The following FGF13 variants were observed in gnomAD, a reference collection of about 807,000 sequenced individuals.
The protein encoded by FGF13 is fibroblast growth factor 13, also known as fibroblast growth factor homologous factor 2.
A neutral mutation model predicts 19.5 loss-of-function variants in FGF13; 2 were observed. That is an observed-to-expected ratio of 0.10 (90% confidence interval 0.04 to 0.32). FGF13 has a LOEUF of 0.32. Ranked by LOEUF, FGF13 falls within the 10% of genes least tolerant of loss-of-function variation. The pLI is 1.00. For missense variants in FGF13, 113 were observed against 192.7 expected, an observed-to-expected ratio of 0.59 and a Z score of 2.45; for synonymous variants, 72 against 76.9, an observed-to-expected ratio of 0.94 and a Z score of 0.33.
At chrX:138,959,937 C>A (rs991726243) in intron 1 of FGF13, among the ~76,000 whole-genome samples, 13 of 111,792 alleles carry the variant, frequency 1.2e-4, no homozygotes, top group Non-Finnish European at 2.1e-4. Context: ...AATGGGTCTC[C>A]TGAATACAGC....
At chrX:139,197,844 T>C (rs1369449132) in intron 1 of FGF13, among the ~76,000 whole-genome samples, 3 of 107,955 alleles carry the variant, frequency 2.8e-5, no homozygotes, top group Non-Finnish European at 5.8e-5. Flanking sequence ...ATACAAAAAA[T>C]TGGCCGGGCG....
intron 1 of FGF13, among the ~76,000 whole-genome samples, chrX:138,727,648 G>A (rs979739597): frequency 9.0e-6 from 1 of 111,335 alleles, no homozygotes; most frequent in African/African-American, 3.3e-5. Flanking sequence ...TCAATGTGAA[G>A]CTAATACATT....
intron 1 of FGF13, among the ~76,000 whole-genome samples, chrX:139,066,479 C>T (rs1434446464): frequency 1.8e-5 from 2 of 111,681 alleles, no homozygotes; most frequent in Non-Finnish European, 3.8e-5. Flanking sequence ...AGGGGTATCA[C>T]CACTGATCCC....
chrX:138,978,199 T>G (rs781487411), intron 1 of FGF13, among the ~76,000 whole-genome samples: 1 of 110,658 alleles, frequency 9.0e-6, no homozygotes, highest in Non-Finnish European at 1.9e-5. Context: ...CTCTGCCTCA[T>G]AACTTGCCTC....
rs374962504 is a variant in FGF13, at chrX:138,835,631, T to C, written c.217+21881A>G. Among the ~76,000 whole-genome samples the C allele has an allele frequency of 1.1e-4, 12 of 112,233 alleles. No homozygotes were observed. In the East Asian group the frequency reaches 1.4e-3, roughly 13 times the overall value. On this transcript the variant is annotated intron_variant, in intron 3 of 6. Coordinates refer to the FGF13 transcript ENST00000436198. ...TAGCTTGCCACTGTGTGTCTTTTAA[T>C]TGGGGCATTTAGCCCATTTACATGT...
Position 138,828,159 on chromosome X carries a change from G to A in FGF13, c.217+29353C>T, listed in dbSNP as rs190985261. Among the ~76,000 whole-genome samples the A allele has an allele frequency of 3.4e-4, 38 of 112,207 alleles. No homozygotes were observed. The Admixed American group carries it at 3.6e-3, about 11-fold the overall frequency. On this transcript the variant is annotated intron_variant, in intron 3 of 6. Transcript: ENST00000436198. Reference sequence around the variant, plus strand: ...TCACAGCTCAGAATTAAAAATACAGGAAAATACAATCAGCAACCCAAATGT... The same window carrying A: ...TCACAGCTCAGAATTAAAAATACAGAAAAATACAATCAGCAACCCAAATGT...
chrX:138,979,543 C>A (rs1422892783), intron 1 of FGF13, among the ~76,000 whole-genome samples: 2 of 108,861 alleles, frequency 1.8e-5, no homozygotes, highest in Admixed American at 2.0e-4. Flanking sequence ...TTTTTTTTTC[C>A]ATTTCAATTT....
chrX:139,149,293 T>C (rs935474103), intron 1 of FGF13, among the ~76,000 whole-genome samples: 3 of 112,137 alleles, frequency 2.7e-5, no homozygotes, highest in African/African-American at 9.7e-5. Flanking sequence ...ACATAATATG[T>C]ACTATTGCAA....
intron 3 of FGF13, among the ~76,000 whole-genome samples, chrX:138,753,649 G>A (rs2090412390): frequency 8.9e-6 from 1 of 112,005 alleles, no homozygotes; most frequent in African/African-American, 3.2e-5. Flanking sequence ...TGAACTCTGT[G>A]AAAGTAGATG....
At chrX:139,179,698 C>A (rs1482540059) in intron 1 of FGF13, among the ~76,000 whole-genome samples, 2 of 112,799 alleles carry the variant, frequency 1.8e-5, no homozygotes, top group Non-Finnish European at 3.7e-5. Context: ...AAGCACTTTG[C>A]AAATAGCAAA....
chrX:139,029,706 C>T (rs1466853490), intron 1 of FGF13, among the ~76,000 whole-genome samples: 1 of 111,665 alleles, frequency 9.0e-6, no homozygotes, highest in Admixed American at 9.5e-5. Context: ...GGCTCTCCTA[C>T]AGTAACTATT....
rs780846981 is a variant in FGF13 at position 139,130,446 on chromosome X, T to C, written c.-113+72970A>G. Among the ~76,000 whole-genome samples, 18 of 111,104 alleles carry C rather than the reference T, an allele frequency of 1.6e-4. No homozygotes were observed. The South Asian group carries it at 1.8e-3, about 11-fold the overall frequency. On this transcript the variant is annotated intron_variant, in intron 1 of 2. Transcript: ENST00000421460. ...CTTCAATTGTTTGCAACTAAAAACA[T>C]GTGTTAATTTGCTTTGAATTACATG...
At chrX:138,984,614 GGATGAGGAA>G (rs1284076867) in intron 1 of FGF13, among the ~76,000 whole-genome samples, 2 of 57,293 alleles carry the variant, frequency 3.5e-5, no homozygotes, top group African/African-American at 1.5e-4. Flanking sequence ...AGGAGGAGGA[GGATGAGGAA>G]GAGGAGGAGG....
chrX:139,007,071 A>T (rs914942351), intron 1 of FGF13, among the ~76,000 whole-genome samples: 1 of 111,774 alleles, frequency 8.9e-6, no homozygotes, highest in Non-Finnish European at 1.9e-5. Context: ...ATTTTAAAAA[A>T]CAGAAAAAAA....
At chrX:138,641,901 C>T (rs1408833358) in intron 3 of FGF13, among the ~76,000 whole-genome samples, 3 of 111,532 alleles carry the variant, frequency 2.7e-5, no homozygotes, top group African/African-American at 9.8e-5. Flanking sequence ...AGGGCAGCTC[C>T]TAACATAAGG....
chrX:138,958,664 G>A (rs933494377), intron 1 of FGF13, among the ~76,000 whole-genome samples: 1 of 111,707 alleles, frequency 9.0e-6, no homozygotes, highest in African/African-American at 3.3e-5. Context: ...ACTTTTTTTA[G>A]TTGGTAGGCT....
intron 1 of FGF13, among the ~76,000 whole-genome samples, chrX:139,186,814 C>T (rs1010579284): frequency 1.8e-5 from 2 of 111,701 alleles, no homozygotes; most frequent in African/African-American, 6.5e-5. Context: ...GCTTGAAATT[C>T]TCTTTGTCCT....
intron 1 of FGF13, among the ~76,000 whole-genome samples, chrX:139,123,377 C>T (rs1404225947): frequency 8.9e-6 from 1 of 111,741 alleles, no homozygotes. Flanking sequence ...TCTCCTGCCA[C>T]CTTCCCCCTC....
intron 3 of FGF13, among the ~76,000 whole-genome samples, chrX:138,746,748 C>T (rs1354142473): frequency 1.8e-5 from 2 of 112,341 alleles, no homozygotes; most frequent in Non-Finnish European, 3.8e-5. Context: ...TTCTGTCTAT[C>T]TCATAGGTTG....
Sources: gnomAD v4.1 joint callset for allele counts (sites outside exome capture counted in the v4.1 genomes callset) on GRCh38, gnomAD v4.1.1 for gene constraint, MANE v1.5 for transcripts, NCBI Gene and HGNC (gene_info 2026-07-23, HGNC 2026-07-21) for gene names.